HNF1B: variants seen among roughly 807,000 people sequenced by gnomAD.
HNF1B encodes the protein HNF1 homeobox B.
A neutral mutation model predicts 61.7 loss-of-function variants in HNF1B; 8 were observed. The observed-to-expected ratio is 0.13, with a 90% confidence interval of 0.08 to 0.23. HNF1B has a LOEUF of 0.23. Ranked by LOEUF, HNF1B falls within the 10% of genes least tolerant of loss-of-function variation. HNF1B has a pLI of 1.00. For missense variants in HNF1B, 562 were observed against 714.5 expected, an observed-to-expected ratio of 0.79 and a Z score of 2.43; for synonymous variants, 314 against 287.7, an observed-to-expected ratio of 1.09 and a Z score of -0.93.
chr17:37,693,015 C>A (rs1395132169), intron 8 of HNF1B, among the ~76,000 whole-genome samples: 1 of 151,748 alleles, frequency 6.6e-6, no homozygotes, highest in Non-Finnish European at 1.5e-5. Context: ...ATAGTGAAAC[C>A]CCGTCTCTAC....
At chr17:37,725,310 G>A (rs192965760) in intron 4 of HNF1B, among the ~76,000 whole-genome samples, 2 of 152,308 alleles carry the variant, frequency 1.3e-5, no homozygotes, top group Non-Finnish European at 2.9e-5. Flanking sequence ...TTTGGTGATA[G>A]GACTCCAGTA....
chr17:37,707,077 T>C (rs538471663), intron 5 of HNF1B, among the ~76,000 whole-genome samples: 3 of 152,234 alleles, frequency 2.0e-5, no homozygotes, highest in African/African-American at 7.2e-5. Context: ...GCAACCTTGA[T>C]CAAGTTACTT....
chr17:37,736,143 G>C (rs1276443883), intron 2 of HNF1B, among the ~76,000 whole-genome samples: 2 of 152,192 alleles, frequency 1.3e-5, no homozygotes, highest in Non-Finnish European at 2.9e-5. Context: ...GCAGTTACTT[G>C]AGGGGAAATC....
chr17:37,688,421 A>ACACACACACACACT (rs1491325033), intron 8 of HNF1B, among the ~76,000 whole-genome samples: 1 of 150,018 alleles, frequency 6.7e-6, no homozygotes, highest in African/African-American at 2.5e-5. Flanking sequence ...ACACACACAC[A>ACACACACACACACT]CTTACACCTA....
intron 6 of HNF1B, among the ~76,000 whole-genome samples, chr17:37,701,952 A>G (rs1030651110): frequency 6.6e-6 from 1 of 152,138 alleles, no homozygotes; most frequent in Non-Finnish European, 1.5e-5. Flanking sequence ...GGAACTGTGT[A>G]TCCTGAGGCC....
At chr17:37,722,749 G>C (rs988978660) in intron 4 of HNF1B, among the ~76,000 whole-genome samples, 15 of 152,188 alleles carry the variant, frequency 9.9e-5, no homozygotes, top group African/African-American at 3.4e-4. Context: ...GGAGGCTGCT[G>C]AAGTTGGAGC....
intron 8 of HNF1B, among the ~76,000 whole-genome samples, chr17:37,692,701 G>A (rs1369229051): frequency 6.6e-6 from 1 of 152,186 alleles, no homozygotes; most frequent in East Asian, 1.9e-4. Flanking sequence ...TGCTTTGACA[G>A]GCCCTGAACT....
Position 37,731,901 on chromosome 17 carries a change from A to G in HNF1B, c.810-71T>C, listed in dbSNP as rs2147546358. 3 of 997,390 alleles carry G rather than the reference A, an allele frequency of 3.0e-6. No homozygotes were observed. The Middle Eastern group carries it at 7.9e-4, about 263-fold the overall frequency. 61.8% of individuals were successfully genotyped at this position (997,390 alleles called of 1,614,324 possible). ...GACTTGTTGGTGCTTGGCCAAAAAC[A>G]CACAATCACAGCAGTCTTGGTTGGG... On this transcript the variant is annotated intron_variant, in intron 3 of 8. Transcript: ENST00000617811.
At chr17:37,722,738 C>A (rs562380661) in intron 4 of HNF1B, among the ~76,000 whole-genome samples, 7 of 152,112 alleles carry the variant, frequency 4.6e-5, no homozygotes, top group Admixed American at 2.0e-4. Flanking sequence ...TGTGCTATTG[C>A]GGAGGCTGCT....
At chr17:37,695,647 T>C (rs1016180920) in intron 8 of HNF1B, among the ~76,000 whole-genome samples, 4 of 152,236 alleles carry the variant, frequency 2.6e-5, no homozygotes, top group Non-Finnish European at 5.9e-5. Context: ...GGCACACCAA[T>C]GTGCCCAGGA....
At chr17:37,725,161 T>G (rs1022439978) in intron 4 of HNF1B, among the ~76,000 whole-genome samples, 7 of 152,150 alleles carry the variant, frequency 4.6e-5, no homozygotes, top group African/African-American at 1.7e-4. Flanking sequence ...CTTCAACAGT[T>G]TCCAAGAGCA....
At chr17:37,717,866 A>G (rs1423747448) in intron 4 of HNF1B, among the ~76,000 whole-genome samples, 1 of 152,130 alleles carries the variant, frequency 6.6e-6, no homozygotes, top group Non-Finnish European at 1.5e-5. Context: ...GAGAGGATAC[A>G]GATTCATGTT....
chr17:37,705,676 T>C (rs552751719), intron 5 of HNF1B, among the ~76,000 whole-genome samples: 12 of 152,346 alleles, frequency 7.9e-5, no homozygotes, highest in Admixed American at 2.6e-4. Flanking sequence ...CTTTTCCTCA[T>C]TGATTTTTTT....
chr17:37,708,461 G>A (rs527236617), intron 5 of HNF1B, among the ~76,000 whole-genome samples: 140 of 152,276 alleles, frequency 9.2e-4, no homozygotes, highest in African/African-American at 3.0e-3. Context: ...CATTTAGAGC[G>A]GCCCTGGCCT....
chr17:37,727,998 GTT>G (rs911665665), intron 4 of HNF1B, among the ~76,000 whole-genome samples: 1 of 148,394 alleles, frequency 6.7e-6, no homozygotes, highest in Admixed American at 6.7e-5. Context: ...TTTTTTTGTT[GTT>G]TTTTTTTTAA....
At chr17:37,721,038 A>G (rs1598828033) in intron 4 of HNF1B, 6 of 778,238 alleles carry the variant, frequency 7.7e-6, no homozygotes, top group South Asian at 5.8e-5. Flanking sequence ...CTTGCTGAAC[A>G]AGAACTCACA....
At chr17:37,695,998 GTGGAATGATA>G (rs2032370743) in intron 8 of HNF1B, among the ~76,000 whole-genome samples, 1 of 152,118 alleles carries the variant, frequency 6.6e-6, no homozygotes, top group Non-Finnish European at 1.5e-5. Context: ...GAGGCCAGGG[GTGGAATGATA>G]TGGTCTGGAT....
intron 4 of HNF1B, among the ~76,000 whole-genome samples, chr17:37,724,922 GTGTGTGTGTGTGTGTA>G: frequency 7.7e-6 from 1 of 130,164 alleles, no homozygotes; most frequent in East Asian, 2.2e-4. Context: ...GTGTGTGTGT[GTGTGTGTGTGTGTGTA>G]TATATATATA....
Position 37,744,985 on chromosome 17 carries a change from C to G in HNF1B, c.-101G>C. 1 of 1,032,350 alleles carries G rather than the reference C, an allele frequency of 9.7e-7. No individual in the cohort carries two copies. Among genetic ancestry groups the G allele is most frequent in the South Asian group, 1.5e-5 (1 of 67,162 alleles). The allele number at this position is 1,032,350 out of a possible 1,614,324, so 63.9% of individuals were successfully genotyped here. A position where few individuals can be genotyped will look rare whatever the true frequency, so the allele number is the denominator to read the frequency against. On this transcript the variant is annotated 5_prime_UTR_variant, in exon 1 of 9. Coordinates refer to ENST00000617811, the MANE Select transcript of HNF1B (RefSeq NM_000458.4). ...GCAAACCCCAAATCCAGGAACCCCT[C>G]CACCCTTCAGCCTCCAGACACCTGT...
Sources: gnomAD v4.1 joint callset for allele counts (sites outside exome capture counted in the v4.1 genomes callset) on GRCh38, gnomAD v4.1.1 for gene constraint, MANE v1.5 for transcripts, NCBI Gene and HGNC (gene_info 2026-07-23, HGNC 2026-07-21) for gene names.